Variants in TMEM132C observed in about 807,000 individuals in gnomAD.
The protein encoded by TMEM132C is transmembrane protein 132C.
TMEM132C carries 29 observed loss-of-function variants against 61.4 expected under a neutral mutation model. That is an observed-to-expected ratio of 0.47 (90% CI 0.35 to 0.64). The LOEUF (loss-of-function observed/expected upper bound fraction) is 0.64, where lower values mean the gene tolerates loss of function less well. TMEM132C is among the 30% of genes least tolerant of loss of function. TMEM132C has a pLI of 0.00. For synonymous variants in TMEM132C, 656 were observed against 633.1 expected (o/e 1.04, Z -0.54); for missense variants, 1,408 against 1,476.9 (o/e 0.95, Z 0.76).
chr12:128,584,192 G>A (rs906650096), intron 3 of TMEM132C, among the ~76,000 whole-genome samples: 2 of 152,198 alleles, frequency 1.3e-5, no homozygotes, highest in Non-Finnish European at 2.9e-5. Context: ...CCCAGCTGGA[G>A]AACATTTCAG....
intron 2 of TMEM132C, among the ~76,000 whole-genome samples, chr12:128,508,854 A>T (rs1703305739): frequency 6.6e-6 from 1 of 152,114 alleles, no homozygotes; most frequent in Admixed American, 6.5e-5. Flanking sequence ...ATACCATATC[A>T]TATCATGTCA....
chr12:128,704,407 A>G (rs1954822354), intron 8 of TMEM132C, among the ~76,000 whole-genome samples: 2 of 152,148 alleles, frequency 1.3e-5, no homozygotes, highest in Non-Finnish European at 2.9e-5. Flanking sequence ...GGGCAGCACA[A>G]TTGAACCGGG....
intron 4 of TMEM132C, among the ~76,000 whole-genome samples, chr12:128,632,596 G>A (rs1211845791): frequency 6.6e-6 from 1 of 152,132 alleles, no homozygotes; most frequent in Non-Finnish European, 1.5e-5. Context: ...ATTTTTTTCC[G>A]ACTACGAAAA....
chr12:128,542,588 G>T (rs922257965), intron 2 of TMEM132C, among the ~76,000 whole-genome samples: 2 of 152,094 alleles, frequency 1.3e-5, no homozygotes, highest in Non-Finnish European at 2.9e-5. Context: ...TTGGCCGGAC[G>T]CAGTGGCTGA....
chr12:128,653,306 C>T (rs554600598), intron 4 of TMEM132C, among the ~76,000 whole-genome samples: 3 of 152,196 alleles, frequency 2.0e-5, no homozygotes, highest in Admixed American at 6.5e-5. Context: ...GGATTAGAGT[C>T]GCCTTCTGGC....
intron 2 of TMEM132C, among the ~76,000 whole-genome samples, chr12:128,514,215 G>GT (rs1284644234): frequency 1.3e-5 from 2 of 152,218 alleles, no homozygotes; most frequent in Non-Finnish European, 2.9e-5. Context: ...AAAGAATTTT[G>GT]TAAGTGGATA....
At chr12:128,345,347 A>G (rs1323230342) in intron 1 of TMEM132C, among the ~76,000 whole-genome samples, 2 of 152,190 alleles carry the variant, frequency 1.3e-5, no homozygotes, top group Admixed American at 6.5e-5. Context: ...TGCTATTGTG[A>G]ATAGTGCTGC....
intron 3 of TMEM132C, among the ~76,000 whole-genome samples, chr12:128,606,534 A>G (rs1876433900): frequency 6.6e-6 from 1 of 152,230 alleles, no homozygotes; most frequent in Admixed American, 6.5e-5. Flanking sequence ...TAAAAAATCC[A>G]AACTTCTGTT....
rs1481515743 is a variant in TMEM132C at position 128,421,732 on chromosome 12, CT to C, written c.974+6115del. ...AAAGTCAAGGTGTGGAAGATGGAACCTTTGTTTCTTGTAGCTATAACATTAT... is the reference window on the plus strand; with the variant it reads ...AAAGTCAAGGTGTGGAAGATGGAACCTTGTTTCTTGTAGCTATAACATTAT... On this transcript the variant is annotated intron_variant, in intron 2 of 8. Coordinates refer to ENST00000435159, the MANE Select transcript of TMEM132C (RefSeq NM_001136103.3). 5.3e-5 allele frequency among the ~76,000 whole-genome samples: 8 copies of C among 152,232 alleles called. No homozygotes were observed. In the East Asian group the frequency reaches 1.4e-3, roughly 26 times the overall value.
At chr12:128,436,201 A>G (rs1046479920) in intron 2 of TMEM132C, among the ~76,000 whole-genome samples, 1 of 152,186 alleles carries the variant, frequency 6.6e-6, no homozygotes, top group African/African-American at 2.4e-5. Context: ...AAACCCTAGA[A>G]GAAAACCTAG....
At chr12:128,296,656 A>G (rs547531914) in intron 1 of TMEM132C, among the ~76,000 whole-genome samples, 1 of 152,310 alleles carries the variant, frequency 6.6e-6, no homozygotes, top group East Asian at 1.9e-4. Flanking sequence ...AAAGGGATAG[A>G]TAGAACAACA....
At chr12:128,601,832 A>T (rs1876204852) in intron 3 of TMEM132C, among the ~76,000 whole-genome samples, 1 of 152,176 alleles carries the variant, frequency 6.6e-6, no homozygotes. Flanking sequence ...TGGGAGGTAA[A>T]AGCATTGCAG....
At chr12:128,611,715 C>T (rs146786520) in intron 3 of TMEM132C, among the ~76,000 whole-genome samples, 195 of 152,268 alleles carry the variant, frequency 1.3e-3, no homozygotes, top group African/African-American at 4.0e-3. Flanking sequence ...GTCTGAGCTA[C>T]GCTATAGCTA....
At chr12:128,320,546 G>A (rs947610664) in intron 1 of TMEM132C, among the ~76,000 whole-genome samples, 1 of 152,110 alleles carries the variant, frequency 6.6e-6, no homozygotes, top group Non-Finnish European at 1.5e-5. Flanking sequence ...CAGGAGGATC[G>A]CTTAAGCCCA....
At chr12:128,474,437 A>G (rs376155407) in intron 2 of TMEM132C, among the ~76,000 whole-genome samples, 2 of 152,194 alleles carry the variant, frequency 1.3e-5, no homozygotes, top group South Asian at 2.1e-4. Flanking sequence ...CCAGAAAAAC[A>G]TCACACCTAG....
At chr12:128,487,618 T>C (rs925420232) in intron 2 of TMEM132C, among the ~76,000 whole-genome samples, 67 of 149,330 alleles carry the variant, frequency 4.5e-4, no homozygotes, top group African/African-American at 1.4e-3. Context: ...TATATATATA[T>C]ATATATATAT....
chr12:128,320,346 G>A (rs1416024068), intron 1 of TMEM132C, among the ~76,000 whole-genome samples: 2 of 152,126 alleles, frequency 1.3e-5, no homozygotes, highest in Non-Finnish European at 2.9e-5. Context: ...CCATTGATTA[G>A]TGAGCATAGC....
At chr12:128,395,528 A>G (rs1224822091) in intron 1 of TMEM132C, among the ~76,000 whole-genome samples, 1 of 152,220 alleles carries the variant, frequency 6.6e-6, no homozygotes, top group East Asian at 1.9e-4. Flanking sequence ...TACATTTAAT[A>G]CACCTAACCT....
At chr12:128,569,892 A>C (rs1338371529) in intron 3 of TMEM132C, among the ~76,000 whole-genome samples, 4 of 152,202 alleles carry the variant, frequency 2.6e-5, no homozygotes, top group African/African-American at 9.6e-5. Context: ...AAAAAGAAGA[A>C]ATTAAATAAA....
Sources: allele counts gnomAD v4.1 joint callset (sites outside exome capture counted in the v4.1 genomes callset), GRCh38; gene constraint gnomAD v4.1.1; transcripts MANE v1.5; gene names NCBI Gene and HGNC (gene_info 2026-07-23, HGNC 2026-07-21).